Variants in UBR4 observed in about 807,000 individuals in gnomAD.
UBR4 encodes the protein E3 ubiquitin-protein ligase UBR4.
Under a neutral mutation model 575.6 loss-of-function variants are expected in UBR4, and 124 were observed. The ratio of observed to expected loss-of-function variants is 0.22; its 90% CI spans 0.19 to 0.25. UBR4 has a LOEUF of 0.25. UBR4 is among the 10% of genes least tolerant of loss of function. The pLI, the probability that UBR4 is intolerant of heterozygous loss-of-function variation, is 1.00. For synonymous variants in UBR4, 2,455 were observed against 2,473.7 expected (o/e 0.99, Z 0.22); for missense variants, 4,818 against 6,478.8 (o/e 0.74, Z 8.80).
chr1:19,205,366 T>C (rs1446280721), intron 1 of UBR4, among the ~76,000 whole-genome samples: 1 of 152,226 alleles, frequency 6.6e-6, no homozygotes, highest in Admixed American at 6.5e-5. Context: ...CTCTTCAATA[T>C]CATACTATCA....
rs2078472369 is a variant in UBR4 at position 19,100,090 on chromosome 1, GCCA to G, written c.13221+283_13221+285del. On this transcript the variant is annotated intron_variant, in intron 89 of 105. Coordinates refer to ENST00000375254, the MANE Select transcript of UBR4 (RefSeq NM_020765.3). The surrounding 1 kb of genome is among the most constrained non-coding windows in gnomAD (Gnocchi z 4.2). ...AACTCAGACTCACCGAGAAGTCTCT[GCCA>G]GAGGCAATAACGATAATAAATACCC... 3 of 482,040 alleles carry G rather than the reference GCCA, an allele frequency of 6.2e-6. No individual in the cohort carries two copies. Among genetic ancestry groups the G allele is most frequent in the African/African-American group, 5.8e-5 (3 of 51,534 alleles). The allele number at this position is 482,040 out of a possible 1,614,324, so 29.9% of individuals were successfully genotyped here.
At chr1:19,122,151 G>A in intron 66 of UBR4, 139 bp from the exon 67 acceptor site, 1 of 811,470 alleles carries the variant, frequency 1.2e-6, no homozygotes, top group East Asian at 2.7e-5. Flanking sequence ...GATGCTTGCT[G>A]AGATGTCTGG....
rs765951068 is a variant in UBR4 at position 19,088,909 on chromosome 1, A to G, written c.14280T>C (p.Ile4760=). 5 of 1,614,056 alleles carry G rather than the reference A, an allele frequency of 3.1e-6. No homozygotes were observed. The highest frequency in any genetic ancestry group is 4.2e-6 in the Non-Finnish European group (5 of 1,180,030). Reference sequence around the variant, plus strand: ...CCAGCAGGTTCTCTGCCAAGGTCCCAATGCCCTCATCACTGGACACCTGCT... The same window carrying G: ...CCAGCAGGTTCTCTGCCAAGGTCCCGATGCCCTCATCACTGGACACCTGCT... ...KLEQVSSDEG[I]GTLAENLLEA... The change falls in exon 98 of 106, where the codon ATT becomes ATC. Residue 4760 remains isoleucine, a synonymous_variant. Transcript: ENST00000375254. The surrounding 1 kb of genome is among the most constrained non-coding windows in gnomAD (Gnocchi z 4.0).
chr1:19,196,553 C>T (rs1255950776), intron 8 of UBR4, among the ~76,000 whole-genome samples: 1 of 152,122 alleles, frequency 6.6e-6, no homozygotes, highest in Non-Finnish European at 1.5e-5. Context: ...AGAGAGTAAA[C>T]ACCAGCTGTC....
intron 8 of UBR4, among the ~76,000 whole-genome samples, chr1:19,195,931 A>G (rs575163951): frequency 5.7e-4 from 86 of 150,542 alleles, no homozygotes; most frequent in Admixed American, 1.9e-3. Flanking sequence ...CAATTATACA[A>G]CACCCACGAA....
chr1:19,106,803 A>G, intron 82 of UBR4, 34 bp downstream of exon 82: 6 of 1,607,552 alleles, frequency 3.7e-6, no homozygotes, highest in Non-Finnish European at 4.3e-6. Context: ...GAGCGCAGGC[A>G]GGACTTCCCG....
intron 53 of UBR4, 51 bp from the exon 54 acceptor site, chr1:19,144,958 T>A: frequency 6.2e-7 from 1 of 1,606,398 alleles, no homozygotes; most frequent in Non-Finnish European, 8.5e-7. Flanking sequence ...AAACTCTAAC[T>A]ACTTGAGAGT....
At chr1:19,191,276 G>A (rs2092056915) in intron 11 of UBR4, among the ~76,000 whole-genome samples, 1 of 152,102 alleles carries the variant, frequency 6.6e-6, no homozygotes, top group Non-Finnish European at 1.5e-5. Context: ...TCGAGACCCT[G>A]CCTGGCCAAC....
intron 27 of UBR4, 91 bp from the exon 28 acceptor site, chr1:19,168,275 C>T: frequency 7.7e-7 from 1 of 1,293,968 alleles, no homozygotes; most frequent in Non-Finnish European, 1.0e-6. Context: ...AAACTAAGAC[C>T]CCACTGACGT....
chr1:19,198,392 G>T (rs2092580535), intron 5 of UBR4, 149 bp downstream of exon 5: 1 of 1,171,664 alleles, frequency 8.5e-7, no homozygotes, highest in Non-Finnish European at 1.2e-6. Flanking sequence ...AATTTTACTT[G>T]TTTTATTTTG....
intron 97 of UBR4, among the ~76,000 whole-genome samples, chr1:19,090,079 G>A (rs1289204996): frequency 6.6e-6 from 1 of 151,994 alleles, no homozygotes; most frequent in East Asian, 1.9e-4. Context: ...CACCTTACTC[G>A]CAAACCTCTG....
At chr1:19,115,020 G>A in intron 74 of UBR4, 71 bp from the exon 75 acceptor site, 4 of 1,592,332 alleles carry the variant, frequency 2.5e-6, no homozygotes, top group Non-Finnish European at 2.6e-6. Flanking sequence ...CTGAGGAAAT[G>A]GATTGTGCCA....
At chr1:19,136,263 A>G (rs2083190437) in intron 60 of UBR4, among the ~76,000 whole-genome samples, 1 of 152,246 alleles carries the variant, frequency 6.6e-6, no homozygotes, top group Non-Finnish European at 1.5e-5. Flanking sequence ...AGGCACAGAA[A>G]ATGGTAAACA....
rs958123881 is a variant in UBR4 at position 19,161,002 on chromosome 1, T to C, written c.5321A>G (p.Asp1774Gly). 3 of 1,614,024 alleles carry C rather than the reference T, an allele frequency of 1.9e-6. No homozygotes were observed. The African/African-American group carries it at 4.0e-5, about 22-fold the overall frequency. Residue 1774 changes from aspartate (D) to glycine (G), a missense_variant, in exon 38 of 106, where the codon GAT becomes GGT. By Grantham distance (94) the Asp-to-Gly change is moderately conservative. Transcript: ENST00000375254. ...PADKAKVTISDGKVADEEKPK... is the reference protein window; with the variant it reads ...PADKAKVTISGGKVADEEKPK... The stretch of plus-strand genomic sequence containing the variant: ...CTTCTCTTCGTCAGCAACCTTTCCA[T>C]CACTGATGGTAACCTTGGCTTTGTC...
Position 19,197,798 on chromosome 1 carries a change from C to T in UBR4, c.765G>A (p.Lys255=). The T allele has an allele frequency of 6.2e-7, 1 of 1,614,154 alleles. No individual in the cohort carries two copies. The highest frequency in any genetic ancestry group is 1.1e-5 in the South Asian group (1 of 91,078). The change falls in exon 7 of 106, where the codon AAG becomes AAA. Residue 255 remains lysine (K), a synonymous_variant. Coordinates refer to ENST00000375254, the MANE Select transcript of UBR4 (RefSeq NM_020765.3). ...ASLQELGGSE[K]LLRVCLNLPY... ...GCAGGTTCAAACATACACGCAGTAG[C>T]TTCTCCGAGCCACCTAAATGAATGA...
intron 39 of UBR4, 50 bp downstream of exon 39, chr1:19,160,061 A>T: frequency 6.3e-7 from 1 of 1,586,862 alleles, no homozygotes; most frequent in Non-Finnish European, 8.6e-7. Flanking sequence ...GATCTCAATA[A>T]ATTTGTTGGT....
chr1:19,128,202 A>G lies in UBR4; in HGVS notation c.9111+9T>C, dbSNP rs200326903. ...CTGTTTCTCACACAGTCTGCCTCTCAGATTTTACCTTTTTATCCATACCCA... is the reference window on the plus strand; with the variant it reads ...CTGTTTCTCACACAGTCTGCCTCTCGGATTTTACCTTTTTATCCATACCCA... On this transcript the variant is annotated intron_variant, in intron 62 of 105. Coordinates refer to ENST00000375254, the MANE Select transcript of UBR4 (RefSeq NM_020765.3). The G allele has an allele frequency of 8.8e-4, 1,424 of 1,612,410 alleles. 4 individuals carry two copies. Among genetic ancestry groups the G allele is most frequent in the Admixed American group, 2.7e-3 (163 of 60,016 alleles).
chr1:19,085,266 A>T (rs2076901823), intron 101 of UBR4, among the ~76,000 whole-genome samples: 1 of 152,214 alleles, frequency 6.6e-6, no homozygotes, highest in Non-Finnish European at 1.5e-5. Flanking sequence ...TCACACGTGT[A>T]ATCCCAGCAC....
At chr1:19,181,238 G>C (rs76216800) in intron 17 of UBR4, among the ~76,000 whole-genome samples, 1 of 151,964 alleles carries the variant, frequency 6.6e-6, no homozygotes, top group Non-Finnish European at 1.5e-5. Context: ...AGGAAGGAAG[G>C]AAAGAAGGAC....
Sources: gnomAD v4.1 joint callset for allele counts (sites outside exome capture counted in the v4.1 genomes callset) on GRCh38, gnomAD v4.1.1 for gene constraint, Gnocchi (gnomAD v3.1) non-coding constraint, MANE v1.5 for transcripts, NCBI Gene and HGNC (gene_info 2026-07-23, HGNC 2026-07-21) for gene names.